NDE1: variants seen among roughly 807,000 people sequenced by gnomAD.
NDE1 encodes the protein nuclear distribution protein nudE homolog 1.
In NDE1, 28 loss-of-function variants were observed where a neutral mutation model predicts 43.4. The observed-to-expected ratio is 0.65, with a 90% confidence interval of 0.48 to 0.89. The LOEUF is 0.89. NDE1 is among the 40% of genes least tolerant of loss of function. The pLI, the probability that NDE1 is intolerant of heterozygous loss-of-function variation, is 0.00. For missense variants in NDE1, 441 were observed against 434.1 expected (o/e 1.02, Z -0.14); for synonymous variants, 184 against 172.0 (o/e 1.07, Z -0.55).
rs556498218 is a variant in NDE1, at chr16:15,714,217, C to G, written c.948-9974C>G. ...GCAGCCCTTGGGAGCAGGGGGGACC[C>G]CCAAGGTACCAGAGGCATGGGAGAG... On this transcript the variant is annotated intron_variant, in intron 8 of 8. Coordinates refer to ENST00000396354, the MANE Select transcript of NDE1 (RefSeq NM_017668.3). The G allele has an allele frequency of 3.2e-5, 5 of 153,900 alleles. No individual in the cohort carries two copies. In the South Asian group the frequency reaches 1.0e-3, roughly 32 times the overall value. The allele number at this position is 153,900 out of a possible 1,614,324, so 9.5% of individuals were successfully genotyped here.
chr16:15,721,680 A>G lies in NDE1; in HGVS notation c.948-2511A>G, dbSNP rs368134082. On this transcript the variant is annotated intron_variant, in intron 8 of 8. Coordinates refer to ENST00000396354, the MANE Select transcript of NDE1 (RefSeq NM_017668.3). ...GTGACTTCTAGGCATATCCGGGGTCAGCGTCACTGAATTGTAAATACCGGG... is the reference window on the plus strand; with the variant it reads ...GTGACTTCTAGGCATATCCGGGGTCGGCGTCACTGAATTGTAAATACCGGG... 2.2e-5 allele frequency: 35 copies of G among 1,597,124 alleles called. No homozygotes were observed. The African/African-American group carries it at 4.4e-4, about 20-fold the overall frequency.
rs765901795 is a variant in NDE1 at position 15,694,254 on chromosome 16, G to T, written c.793G>T (p.Gly265Trp). The T allele has an allele frequency of 6.2e-7, 1 of 1,613,478 alleles. No individual in the cohort carries two copies. Among genetic ancestry groups the T allele is most frequent in the Non-Finnish European group, 8.5e-7 (1 of 1,179,822 alleles). Residue 265 changes from glycine (G) to tryptophan (W), a missense_variant and splice_region_variant, in exon 7 of 9, where the codon GGG becomes TGG. Physicochemically the swap from Gly to Trp is radical, Grantham distance 184. Coordinates refer to ENST00000396354, the MANE Select transcript of NDE1 (RefSeq NM_017668.3). ...TGTGGGAGACCTACTGCGGAAAGTC[G>T]GGGTAAGACCACACTTTCCTGGCGT... is the stretch of plus-strand genomic sequence containing the variant. ...NIVGDLLRKVGALESKLASCR... is the reference protein window; with the variant it reads ...NIVGDLLRKVWALESKLASCR...
intron 8 of NDE1, among the ~76,000 whole-genome samples, chr16:15,702,865 C>T (rs1383091991): frequency 6.6e-6 from 1 of 152,126 alleles, no homozygotes; most frequent in Non-Finnish European, 1.5e-5. Flanking sequence ...GGCAGTGGCC[C>T]TTAGACCACA....
intron 8 of NDE1, among the ~76,000 whole-genome samples, chr16:15,704,684 G>A (rs761071411): frequency 7.2e-5 from 11 of 152,208 alleles, no homozygotes; most frequent in East Asian, 1.9e-4. Flanking sequence ...GTTAAAAGGC[G>A]AGACAGCACC....
intron 7 of NDE1, chr16:15,695,644 G>A (rs143180593): frequency 1.0e-6 from 1 of 985,274 alleles, no homozygotes. Context: ...TGCCTAGAAG[G>A]CCACATAATT....
At chr16:15,704,088 C>T in intron 8 of NDE1, 1 of 1,614,092 alleles carries the variant, frequency 6.2e-7, no homozygotes, top group African/African-American at 1.3e-5. Context: ...TCCTCCAGAC[C>T]TTCTAGAAGG....
intron 8 of NDE1, among the ~76,000 whole-genome samples, chr16:15,705,250 G>C (rs1037427052): frequency 2.0e-5 from 3 of 152,170 alleles, no homozygotes; most frequent in Non-Finnish European, 4.4e-5. Context: ...TCAAAGTGTT[G>C]GGATTACAGG....
intron 8 of NDE1, 105 bp downstream of exon 8, chr16:15,696,965 G>T: frequency 6.5e-7 from 1 of 1,548,578 alleles, no homozygotes; most frequent in Non-Finnish European, 8.7e-7. Context: ...TAAATTATAG[G>T]ATTATTTCAG....
rs1048341668 is a variant in NDE1, at chr16:15,724,583, G to A, written c.*332G>A. 28 of 1,610,904 alleles carry A rather than the reference G, an allele frequency of 1.7e-5. No homozygotes were observed. The highest frequency in any genetic ancestry group is 4.0e-5 in the African/African-American group (3 of 74,864). ...CAACACTCCACCGCGATCTGCCTGC[G>A]GGGGATCTCAGCGCAGAGAAGTTGA... On this transcript the variant is annotated 3_prime_UTR_variant, in exon 9 of 9. Coordinates refer to ENST00000396354, the MANE Select transcript of NDE1 (RefSeq NM_017668.3).
chr16:15,656,154 A>G (rs1424509968), intron 1 of NDE1, among the ~76,000 whole-genome samples: 1 of 151,754 alleles, frequency 6.6e-6, no homozygotes, highest in Non-Finnish European at 1.5e-5. Context: ...AGAAAAAAAA[A>G]GATTGCTGTT....
At chr16:15,708,218 C>T (rs1375412170) in intron 8 of NDE1, among the ~76,000 whole-genome samples, 1 of 152,178 alleles carries the variant, frequency 6.6e-6, no homozygotes, top group Non-Finnish European at 1.5e-5. Flanking sequence ...CGGCATTTGT[C>T]AGACATCGCA....
intron 3 of NDE1, among the ~76,000 whole-genome samples, chr16:15,668,191 GTC>G (rs1478892887): frequency 1.3e-5 from 2 of 152,064 alleles, no homozygotes; most frequent in Admixed American, 6.6e-5. Context: ...ATGAAACCCT[GTC>G]TCTACTAAAA....
chr16:15,717,268 C>T, intron 8 of NDE1: 1 of 1,614,034 alleles, frequency 6.2e-7, no homozygotes, highest in Non-Finnish European at 8.5e-7. Flanking sequence ...CCTTGTTCTG[C>T]CGCTCGAGCT....
intron 8 of NDE1, among the ~76,000 whole-genome samples, chr16:15,704,285 G>GT: frequency 6.6e-6 from 1 of 152,092 alleles, no homozygotes; most frequent in Non-Finnish European, 1.5e-5. Flanking sequence ...AGATATTCAA[G>GT]TTGAAGTCAA....
rs1019905121 is a variant in NDE1, at chr16:15,644,922, T to TC, written c.-166+995_-166+996insC. Among the ~76,000 whole-genome samples, 8 of 150,544 alleles carry TC rather than the reference T, an allele frequency of 5.3e-5. No individual in the cohort carries two copies. The East Asian group carries it at 9.7e-4, about 18-fold the overall frequency. Reference sequence around the variant, plus strand: ...TGCAGACACATTTCCTTTTTACTTTTTTTTTTTTTTTTTTTGAGACAAAGT... The same window carrying TC: ...TGCAGACACATTTCCTTTTTACTTTTCTTTTTTTTTTTTTTTGAGACAAAGT... On this transcript the variant is annotated intron_variant, in intron 1 of 9. Coordinates refer to the NDE1 transcript ENST00000396355.
At chr16:15,650,447 C>T (rs962648266) in intron 1 of NDE1, among the ~76,000 whole-genome samples, 153 bp downstream of exon 1, 5 of 152,224 alleles carry the variant, frequency 3.3e-5, no homozygotes, top group Non-Finnish European at 7.3e-5. Context: ...CGTCGCTTCC[C>T]GGCCGCCTGG....
chr16:15,655,967 T>C (rs1180108798), intron 1 of NDE1, among the ~76,000 whole-genome samples: 1 of 113,510 alleles, frequency 8.8e-6, no homozygotes, highest in African/African-American at 3.5e-5. Context: ...CATCACACTC[T>C]GGGGACTGTT....
At chr16:15,709,814 G>A (rs2039676674) in intron 8 of NDE1, among the ~76,000 whole-genome samples, 1 of 152,176 alleles carries the variant, frequency 6.6e-6, no homozygotes, top group Non-Finnish European at 1.5e-5. Flanking sequence ...ATGATTACTT[G>A]CTCTTCATTA....
chr16:15,718,844 A>G (rs2040313590), intron 8 of NDE1: 1 of 405,648 alleles, frequency 2.5e-6, no homozygotes, highest in East Asian at 5.5e-5. Flanking sequence ...ATGGGGGTCC[A>G]GGGCCAGGCA....
Sources: allele counts gnomAD v4.1 joint callset (sites outside exome capture counted in the v4.1 genomes callset), GRCh38; gene constraint gnomAD v4.1.1; transcripts MANE v1.5; gene names NCBI Gene and HGNC (gene_info 2026-07-23, HGNC 2026-07-21).